Variants in DSCAM observed in about 807,000 individuals in gnomAD.
DSCAM encodes the protein DS cell adhesion molecule, also known as cell adhesion molecule DSCAM.
Under a neutral mutation model 217.7 loss-of-function variants are expected in DSCAM, and 47 were observed. The observed-to-expected ratio is 0.22, with a 90% confidence interval of 0.17 to 0.28. The LOEUF (loss-of-function observed/expected upper bound fraction) is 0.28. DSCAM is among the 10% of genes least tolerant of loss of function. The probability of loss-of-function intolerance (pLI) is 1.00; values close to 1 mark genes in which losing one functional copy is unlikely to be tolerated. For missense variants in DSCAM, 2,080 were observed against 2,618.3 expected (o/e 0.79, Z 4.49); for synonymous variants, 1,056 against 1,015.3 (o/e 1.04, Z -0.76).
chr21:40,036,423 G>A (rs1488544869), intron 32 of DSCAM, among the ~76,000 whole-genome samples: 1 of 143,398 alleles, frequency 7.0e-6, no homozygotes, highest in African/African-American at 2.7e-5. Flanking sequence ...TAGAAGAAAT[G>A]GATAAATTCC....
At chr21:40,160,229 G>A (rs2090526070) in intron 16 of DSCAM, among the ~76,000 whole-genome samples, 2 of 152,264 alleles carry the variant, frequency 1.3e-5, no homozygotes, top group South Asian at 4.1e-4. Context: ...TAGAGAAAAG[G>A]GTTCAAGTTC....
At chr21:40,628,637 G>A (rs1291528950) in intron 3 of DSCAM, among the ~76,000 whole-genome samples, 2 of 152,124 alleles carry the variant, frequency 1.3e-5, no homozygotes, top group Non-Finnish European at 2.9e-5. Context: ...AAAGTTTGTT[G>A]ACTCTTGAGT....
intron 1 of DSCAM, among the ~76,000 whole-genome samples, chr21:40,752,356 G>A (rs990525906): frequency 6.6e-6 from 1 of 152,070 alleles, no homozygotes; most frequent in Admixed American, 6.6e-5. Context: ...CCTCCCTCTG[G>A]CTTGGAATCC....
intron 12 of DSCAM, 95 bp downstream of exon 12, chr21:40,188,946 AT>A: frequency 8.0e-7 from 1 of 1,245,370 alleles, no homozygotes. Context: ...ATTCCGAAAG[AT>A]TATCTGCTAC....
At chr21:40,791,888 G>T (rs2091648209) in intron 1 of DSCAM, among the ~76,000 whole-genome samples, 1 of 152,082 alleles carries the variant, frequency 6.6e-6, no homozygotes, top group Non-Finnish European at 1.5e-5. Context: ...CTTGGGGAGT[G>T]CTGCTTCCTC....
At chr21:40,346,158 A>AAGGACTAGAGTGCATC (rs2074555285) in intron 6 of DSCAM, among the ~76,000 whole-genome samples, 1 of 152,230 alleles carries the variant, frequency 6.6e-6, no homozygotes, top group Non-Finnish European at 1.5e-5. Flanking sequence ...GTGACTATGT[A>AAGGACTAGAGTGCATC]AGGACTAGAG....
intron 6 of DSCAM, among the ~76,000 whole-genome samples, chr21:40,347,432 C>G (rs1464338585): frequency 6.6e-6 from 1 of 152,128 alleles, no homozygotes; most frequent in East Asian, 1.9e-4. Flanking sequence ...TTCTAATGCA[C>G]AAGTGGGCAA....
At chr21:40,272,040 G>A (rs957714821) in intron 11 of DSCAM, among the ~76,000 whole-genome samples, 21 of 151,800 alleles carry the variant, frequency 1.4e-4, no homozygotes, top group Non-Finnish European at 1.9e-4. Context: ...AAATGATTGA[G>A]ACTTGTCTCA....
intron 20 of DSCAM, among the ~76,000 whole-genome samples, chr21:40,100,955 A>G (rs560488990): frequency 6.6e-6 from 1 of 152,298 alleles, no homozygotes; most frequent in East Asian, 1.9e-4. Flanking sequence ...TGTGCTAACC[A>G]TTTGTTTGAA....
At chr21:40,356,638 C>T (rs1239679940) in intron 4 of DSCAM, among the ~76,000 whole-genome samples, 1 of 152,106 alleles carries the variant, frequency 6.6e-6, no homozygotes, top group Admixed American at 6.5e-5. Flanking sequence ...GTAGGAGCTG[C>T]AGCAATCACT....
At chr21:40,682,404 C>A (rs986772031) in intron 3 of DSCAM, among the ~76,000 whole-genome samples, 7 of 151,848 alleles carry the variant, frequency 4.6e-5, no homozygotes, top group African/African-American at 1.7e-4. Context: ...GAGAGAAGAT[C>A]AACCAGGCAG....
At chr21:40,744,948 GTAAA>G (rs1020876851) in intron 1 of DSCAM, among the ~76,000 whole-genome samples, 3 of 152,128 alleles carry the variant, frequency 2.0e-5, no homozygotes, top group Non-Finnish European at 2.9e-5. Flanking sequence ...AATTTAGCAA[GTAAA>G]TAGAAACACT....
In DSCAM at chr21:40,012,063, A is replaced by G. The variant is rs931395930; in HGVS notation, c.*971T>C. Reference sequence around the variant, plus strand: ...AAATAGTGCATGTGGCCTTGTTTCAATAAAACTTTATTTAAAAAACAGCAG... The same window carrying G: ...AAATAGTGCATGTGGCCTTGTTTCAGTAAAACTTTATTTAAAAAACAGCAG... On this transcript the variant is annotated 3_prime_UTR_variant, in exon 33 of 33. Transcript: ENST00000400454. The G allele has an allele frequency of 2.3e-4, 31 of 134,676 alleles. 1 individual carries two copies. Among genetic ancestry groups the G allele is most frequent in the African/African-American group, 9.8e-4 (31 of 31,570 alleles). The allele number at this position is 134,676 out of a possible 1,614,324, so 8.3% of individuals were successfully genotyped here.
chr21:40,832,312 T>C (rs1425103193), intron 1 of DSCAM, among the ~76,000 whole-genome samples: 3 of 152,202 alleles, frequency 2.0e-5, no homozygotes, highest in Non-Finnish European at 4.4e-5. Flanking sequence ...CGAGTGCGAA[T>C]CAAATGGTCA....
At chr21:40,098,210 A>G (rs573627391) in intron 20 of DSCAM, among the ~76,000 whole-genome samples, 91 of 152,326 alleles carry the variant, frequency 6.0e-4, no homozygotes, top group African/African-American at 2.1e-3. Context: ...TCAAGAGAAC[A>G]TAACAATTCT....
intron 16 of DSCAM, among the ~76,000 whole-genome samples, chr21:40,152,492 T>C (rs1278654349): frequency 6.6e-6 from 1 of 152,214 alleles, no homozygotes. Flanking sequence ...TGTGGAATGC[T>C]CTCTCCCCCT....
chr21:40,219,457 C>T (rs1281050663), intron 11 of DSCAM, among the ~76,000 whole-genome samples: 6 of 152,136 alleles, frequency 3.9e-5, no homozygotes, highest in Non-Finnish European at 5.9e-5. Context: ...GGCTGATGCA[C>T]CACCATTCAC....
At chr21:40,473,241 A>G (rs145819560) in intron 3 of DSCAM, among the ~76,000 whole-genome samples, 118 of 152,386 alleles carry the variant, frequency 7.7e-4, no homozygotes, top group African/African-American at 2.6e-3. Context: ...CTGCAGGCAC[A>G]AAGAGTGGCA....
At chr21:40,368,890 C>T (rs1319144914) in intron 4 of DSCAM, among the ~76,000 whole-genome samples, 1 of 152,168 alleles carries the variant, frequency 6.6e-6, no homozygotes, top group Non-Finnish European at 1.5e-5. Context: ...GTGAATGTGT[C>T]AATTACTGGT....
Sources: gnomAD v4.1 joint callset for allele counts (sites outside exome capture counted in the v4.1 genomes callset) on GRCh38, gnomAD v4.1.1 for gene constraint, MANE v1.5 for transcripts, NCBI Gene and HGNC (gene_info 2026-07-23, HGNC 2026-07-21) for gene names.